TMEM135: variants seen among roughly 807,000 people sequenced by gnomAD.
TMEM135 encodes transmembrane protein 135.
In TMEM135, 30 loss-of-function variants were observed where a neutral mutation model predicts 60.3. The observed-to-expected ratio is 0.50, with a 90% CI of 0.37 to 0.68. TMEM135 has a LOEUF of 0.68. TMEM135 is among the 30% of genes least tolerant of loss of function. The pLI, the probability that TMEM135 is intolerant of heterozygous loss-of-function variation, is 0.00. For missense variants in TMEM135, 468 were observed against 548.8 expected (o/e 0.85, Z 1.47); for synonymous variants, 190 against 186.7 (o/e 1.02, Z -0.14).
chr11:87,325,742 T>C lies in TMEM135; in HGVS notation c.*4409T>C, dbSNP rs10898669. The stretch of plus-strand genomic sequence containing the variant: ...GCTCTGTTTTTCTTAGGCAGGATGA[T>C]GTAGAAGATAATTGCACAGATATGG... On this transcript the variant is annotated 3_prime_UTR_variant, in exon 15 of 15. Coordinates refer to ENST00000305494, the MANE Select transcript of TMEM135 (RefSeq NM_022918.4). 0.32 allele frequency: 144,666 copies of C among 453,670 alleles called. 25,119 individuals carry two copies. The highest frequency in any genetic ancestry group is 0.38 in the Non-Finnish European group (85,923 of 226,686). 28.1% of individuals were successfully genotyped at this position (453,670 alleles called of 1,614,324 possible).
At chr11:87,237,736 A>C (rs1196362723) in intron 6 of TMEM135, among the ~76,000 whole-genome samples, 1 of 151,892 alleles carries the variant, frequency 6.6e-6, no homozygotes, top group Non-Finnish European at 1.5e-5. Context: ...GACTATAGTC[A>C]CCCTGTTGTG....
chr11:87,201,818 A>C (rs1361852918), intron 5 of TMEM135, among the ~76,000 whole-genome samples: 1 of 152,188 alleles, frequency 6.6e-6, no homozygotes, highest in Non-Finnish European at 1.5e-5. Flanking sequence ...GCACTAAGCC[A>C]TCCAGGAACT....
At chr11:87,146,716 C>A (rs1938427350) in intron 4 of TMEM135, among the ~76,000 whole-genome samples, 1 of 152,092 alleles carries the variant, frequency 6.6e-6, no homozygotes, top group Admixed American at 6.5e-5. Context: ...ATGTTTTACG[C>A]CATCTAACTC....
At chr11:87,117,100 C>T (rs971977034) in intron 4 of TMEM135, among the ~76,000 whole-genome samples, 1 of 152,054 alleles carries the variant, frequency 6.6e-6, no homozygotes, top group Non-Finnish European at 1.5e-5. Flanking sequence ...AGATTACAGG[C>T]GTGAGCCACC....
chr11:87,299,328 C>T (rs1942404894), intron 7 of TMEM135, among the ~76,000 whole-genome samples: 1 of 152,172 alleles, frequency 6.6e-6, no homozygotes, highest in African/African-American at 2.4e-5. Context: ...CACAAGGTGG[C>T]AGGAGAGGGA....
chr11:87,236,027 A>AAATT (rs1444147735), intron 5 of TMEM135, among the ~76,000 whole-genome samples: 3 of 151,926 alleles, frequency 2.0e-5, no homozygotes, highest in Non-Finnish European at 2.9e-5. Context: ...CATAGTTAAT[A>AAATT]ACCTTTCTGA....
intron 6 of TMEM135, among the ~76,000 whole-genome samples, chr11:87,257,317 T>G (rs538790885): frequency 3.9e-5 from 6 of 152,342 alleles, no homozygotes; most frequent in African/African-American, 1.4e-4. Context: ...TAACTCACTG[T>G]GTCTTTCTCA....
intron 1 of TMEM135, among the ~76,000 whole-genome samples, chr11:87,057,595 A>G (rs919872924): frequency 6.6e-6 from 1 of 152,230 alleles, no homozygotes; most frequent in East Asian, 1.9e-4. Context: ...TGTGGGAATC[A>G]TATGAGATAG....
chr11:87,217,650 C>T (rs910385327), intron 5 of TMEM135, among the ~76,000 whole-genome samples: 3 of 151,752 alleles, frequency 2.0e-5, no homozygotes, highest in Non-Finnish European at 2.9e-5. Flanking sequence ...TTCGGCGTGG[C>T]GGCTCATGCC....
intron 5 of TMEM135, among the ~76,000 whole-genome samples, chr11:87,222,231 T>G (rs12295696): frequency 0.069 from 9,473 of 137,214 alleles, 337 homozygotes; most frequent in African/African-American, 0.092. Context: ...GCATGGTGGC[T>G]CACGCCTGTA....
chr11:87,229,042 A>G (rs140002175), intron 5 of TMEM135, among the ~76,000 whole-genome samples: 1 of 152,274 alleles, frequency 6.6e-6, no homozygotes, highest in Non-Finnish European at 1.5e-5. Context: ...GTCATTTCCT[A>G]CAAAGTCTTT....
intron 4 of TMEM135, among the ~76,000 whole-genome samples, chr11:87,105,924 A>C (rs574030374): frequency 9.9e-5 from 15 of 152,012 alleles, no homozygotes; most frequent in South Asian, 4.2e-4. Context: ...ACCTCTCTTC[A>C]TCTCCCTTTC....
At chr11:87,152,612 G>A (rs1265568020) in intron 4 of TMEM135, among the ~76,000 whole-genome samples, 1 of 152,048 alleles carries the variant, frequency 6.6e-6, no homozygotes, top group African/African-American at 2.4e-5. Context: ...CTGATTTTTT[G>A]TATTTTTAGT....
At chr11:87,246,960 GT>G (rs1433113225) in intron 6 of TMEM135, among the ~76,000 whole-genome samples, 2 of 142,458 alleles carry the variant, frequency 1.4e-5, no homozygotes, top group Admixed American at 1.4e-4. Flanking sequence ...TTTCTGTTCT[GT>G]TTTTTCCCCA....
At chr11:87,236,530 C>A (rs1940999442) in intron 5 of TMEM135, 108 bp from the exon 6 acceptor site, 1 of 918,604 alleles carries the variant, frequency 1.1e-6, no homozygotes, top group Non-Finnish European at 1.8e-6. Context: ...GTTTGTATAT[C>A]CTTTTATTGT....
chr11:87,148,099 CT>C (rs1392550324), intron 4 of TMEM135, among the ~76,000 whole-genome samples: 6 of 152,156 alleles, frequency 3.9e-5, no homozygotes, highest in South Asian at 4.1e-4. Context: ...AGTTATTTCC[CT>C]CTGTCACTGA....
At position 87,131,010 on chromosome 11, in the gene TMEM135, A is replaced by G. The variant is rs190143401; in HGVS notation, c.397-26331A>G. 9.5e-4 allele frequency among the ~76,000 whole-genome samples: 144 copies of G among 151,412 alleles called. 1 individual carries two copies. The highest frequency in any genetic ancestry group is 2.9e-3 in the African/African-American group (119 of 41,110). ...TAGATTGTACATATATCCTTTAACA[A>G]ATTAGGCTTTATTTATTTATTTATT... On this transcript the variant is annotated intron_variant, in intron 4 of 14. Transcript: ENST00000305494.
intron 5 of TMEM135, among the ~76,000 whole-genome samples, chr11:87,228,672 A>G (rs2135364814): frequency 6.6e-6 from 1 of 152,286 alleles, no homozygotes; most frequent in South Asian, 2.1e-4. Flanking sequence ...ATCAGGTGCA[A>G]AAATCAAATA....
chr11:87,273,829 G>A (rs1451799159), intron 6 of TMEM135, among the ~76,000 whole-genome samples: 1 of 152,108 alleles, frequency 6.6e-6, no homozygotes, highest in African/African-American at 2.4e-5. Flanking sequence ...TTGAGTAACA[G>A]GCATATTAAA....
Sources: allele counts gnomAD v4.1 joint callset (sites outside exome capture counted in the v4.1 genomes callset), GRCh38; gene constraint gnomAD v4.1.1; transcripts MANE v1.5; gene names NCBI Gene and HGNC (gene_info 2026-07-23, HGNC 2026-07-21).